The following FRMD5 variants were observed in gnomAD, a reference collection of about 807,000 sequenced individuals.
FRMD5 encodes the protein FERM domain-containing protein 5.
FRMD5 carries 20 observed loss-of-function variants against 69.0 expected under a neutral mutation model. The observed-to-expected ratio is 0.29, with a 90% CI of 0.20 to 0.42. The LOEUF is 0.42. Ranked by LOEUF, FRMD5 falls within the 10% of genes least tolerant of loss-of-function variation. The pLI, the probability that FRMD5 is intolerant of heterozygous loss-of-function variation, is 1.00. For synonymous variants in FRMD5, 271 were observed against 260.1 expected (o/e 1.04, Z -0.40); for missense variants, 595 against 708.6 (o/e 0.84, Z 1.82).
intron 1 of FRMD5, among the ~76,000 whole-genome samples, chr15:44,118,471 T>A (rs932189930): frequency 6.6e-6 from 1 of 152,220 alleles, no homozygotes; most frequent in Non-Finnish European, 1.5e-5. Context: ...TATTTTAGCA[T>A]AGATTTCCCA....
chr15:44,092,387 A>T (rs1398510948), intron 1 of FRMD5, among the ~76,000 whole-genome samples: 1 of 152,206 alleles, frequency 6.6e-6, no homozygotes, highest in Non-Finnish European at 1.5e-5. Context: ...TAACGTTGCT[A>T]AGATACAGCT....
chr15:44,083,124 G>A (rs1434722967), intron 1 of FRMD5, among the ~76,000 whole-genome samples: 1 of 151,738 alleles, frequency 6.6e-6, no homozygotes, highest in Non-Finnish European at 1.5e-5. Flanking sequence ...TTTTACCTTT[G>A]GACCTCAGTG....
At chr15:44,147,522 T>C (rs1180048704) in intron 1 of FRMD5, among the ~76,000 whole-genome samples, 1 of 152,196 alleles carries the variant, frequency 6.6e-6, no homozygotes, top group Non-Finnish European at 1.5e-5. Flanking sequence ...ATGTCAATGG[T>C]AGTTTAATGG....
intron 13 of FRMD5, among the ~76,000 whole-genome samples, chr15:43,882,273 C>T (rs1309969472): frequency 3.3e-5 from 5 of 152,142 alleles, no homozygotes; most frequent in Non-Finnish European, 7.3e-5. Context: ...CCTCGGCCTG[C>T]TCCAAAGGAA....
intron 1 of FRMD5, among the ~76,000 whole-genome samples, chr15:44,116,668 C>G (rs895574590): frequency 1.3e-5 from 2 of 152,146 alleles, no homozygotes; most frequent in Non-Finnish European, 2.9e-5. Flanking sequence ...CTTTATGCCC[C>G]TCGCTCCCCA....
chr15:44,055,956 C>T (rs999102011), intron 1 of FRMD5, among the ~76,000 whole-genome samples: 1 of 152,196 alleles, frequency 6.6e-6, no homozygotes, highest in Non-Finnish European at 1.5e-5. Flanking sequence ...TATTTTCTAA[C>T]CACCATTTTA....
intron 1 of FRMD5, among the ~76,000 whole-genome samples, chr15:44,091,789 AT>A (rs998065467): frequency 2.3e-4 from 34 of 150,082 alleles, no homozygotes; most frequent in South Asian, 1.1e-3. Context: ...ATCCATGGGA[AT>A]TTTTTTTTTA....
chr15:44,116,037 C>G (rs1396450651), intron 1 of FRMD5, among the ~76,000 whole-genome samples: 2 of 152,020 alleles, frequency 1.3e-5, no homozygotes, highest in African/African-American at 4.8e-5. Context: ...TGTTCTGTCA[C>G]CCCTATTTGA....
At chr15:44,016,346 G>T (rs1200356436) in intron 1 of FRMD5, among the ~76,000 whole-genome samples, 3 of 152,112 alleles carry the variant, frequency 2.0e-5, no homozygotes, top group Non-Finnish European at 4.4e-5. Flanking sequence ...TTATATATAC[G>T]AATAATGTAT....
intron 1 of FRMD5, among the ~76,000 whole-genome samples, chr15:43,971,261 A>C (rs1029380987): frequency 3.3e-5 from 5 of 152,162 alleles, no homozygotes; most frequent in East Asian, 1.9e-4. Context: ...AAAACAAAAA[A>C]CAAAAACCAA....
At chr15:44,069,176 C>T (rs1457322419) in intron 1 of FRMD5, among the ~76,000 whole-genome samples, 4 of 152,056 alleles carry the variant, frequency 2.6e-5, no homozygotes, top group Non-Finnish European at 5.9e-5. Context: ...AGTGACAACA[C>T]CAAATGCTGG....
chr15:43,926,169 C>A (rs1409936395), intron 1 of FRMD5, among the ~76,000 whole-genome samples: 2 of 152,124 alleles, frequency 1.3e-5, no homozygotes, highest in Non-Finnish European at 2.9e-5. Flanking sequence ...CCGTTTATAA[C>A]CCATAACCTT....
rs1413912944 is a variant in FRMD5 at position 43,874,458 on chromosome 15, T to C, written c.1140A>G (p.Leu380=). 6 of 1,613,692 alleles carry C rather than the reference T, an allele frequency of 3.7e-6. No individual in the cohort carries two copies. The Middle Eastern group carries it at 6.6e-4, about 177-fold the overall frequency. ...RAVHISIMEG[L]ESLRDSAHST... is the part of the protein sequence containing the mutation. ...AATGGGCACTGTCCCGTAAGGACTC[T>C]AGGCCTAGAAAGGCAAAAGGAACAT... Residue 380 remains leucine (L), a synonymous_variant, in exon 14 of 14, where the codon CTA becomes CTG. Transcript: ENST00000417257.
chr15:44,157,146 T>C (rs1424733517), intron 1 of FRMD5, among the ~76,000 whole-genome samples: 2 of 152,224 alleles, frequency 1.3e-5, no homozygotes, highest in Admixed American at 1.3e-4. Flanking sequence ...TTTACCTGTA[T>C]TATTTTATGA....
intron 1 of FRMD5, among the ~76,000 whole-genome samples, chr15:44,106,410 C>A (rs1281114215): frequency 1.3e-5 from 2 of 152,160 alleles, no homozygotes; most frequent in East Asian, 3.8e-4. Context: ...TTAAACCCAC[C>A]CTGCATGCAG....
intron 1 of FRMD5, among the ~76,000 whole-genome samples, chr15:43,955,433 C>G (rs947384007): frequency 2.6e-5 from 4 of 152,222 alleles, no homozygotes; most frequent in African/African-American, 4.8e-5. Context: ...GCCAAAAATA[C>G]TCAGCATTTG....
At chr15:43,875,383 T>A (rs1170395731) in intron 13 of FRMD5, among the ~76,000 whole-genome samples, 1 of 141,536 alleles carries the variant, frequency 7.1e-6, no homozygotes, top group African/African-American at 2.6e-5. Context: ...TATATATATA[T>A]ATATATATAT....
chr15:44,048,785 C>A (rs1566919760), intron 1 of FRMD5, among the ~76,000 whole-genome samples: 1 of 152,122 alleles, frequency 6.6e-6, no homozygotes, highest in Non-Finnish European at 1.5e-5. Flanking sequence ...GTTGGCCAGG[C>A]TGGTCTTGAA....
At chr15:44,058,600 C>T (rs1024940396) in intron 1 of FRMD5, among the ~76,000 whole-genome samples, 1 of 152,052 alleles carries the variant, frequency 6.6e-6, no homozygotes, top group Non-Finnish European at 1.5e-5. Flanking sequence ...TCCTGGCTAA[C>T]ACAGTGAAAC....
Sources: gnomAD v4.1 joint callset for allele counts (sites outside exome capture counted in the v4.1 genomes callset) on GRCh38, gnomAD v4.1.1 for gene constraint, MANE v1.5 for transcripts, NCBI Gene and HGNC (gene_info 2026-07-23, HGNC 2026-07-21) for gene names.